The following GRM8 variants were observed in gnomAD, a reference collection of about 807,000 sequenced individuals.
GRM8 encodes glutamate metabotropic receptor 8.
In GRM8, 47 loss-of-function variants were observed where a neutral mutation model predicts 87.2. The observed-to-expected ratio is 0.54, with a 90% confidence interval of 0.43 to 0.69. The LOEUF is 0.69. GRM8 is among the 30% of genes least tolerant of loss of function. The pLI, the probability that GRM8 is intolerant of heterozygous loss-of-function variation, is 0.00. For synonymous variants in GRM8, 396 were observed against 404.5 expected, an observed-to-expected ratio of 0.98 and a Z score of 0.25; for missense variants, 1,019 against 1,139.2, an observed-to-expected ratio of 0.89 and a Z score of 1.52.
chr7:127,161,927 A>T (rs1358942563), intron 2 of GRM8, among the ~76,000 whole-genome samples: 1 of 152,144 alleles, frequency 6.6e-6, no homozygotes, highest in Admixed American at 6.6e-5. Context: ...AGAGAAAAAA[A>T]ATTATCAGGT....
intron 6 of GRM8, among the ~76,000 whole-genome samples, chr7:126,818,808 A>T (rs1794020160): frequency 1.3e-5 from 2 of 152,216 alleles, no homozygotes; most frequent in South Asian, 4.1e-4. Flanking sequence ...TGATAGTAGT[A>T]AGGTGAATGA....
At chr7:127,003,555 A>G (rs1043442823) in intron 3 of GRM8, among the ~76,000 whole-genome samples, 28 of 151,754 alleles carry the variant, frequency 1.8e-4, no homozygotes, top group African/African-American at 5.8e-4. Flanking sequence ...TTTGTGTACT[A>G]GAAGAGTACT....
intron 3 of GRM8, among the ~76,000 whole-genome samples, chr7:126,936,601 G>C (rs1806353832): frequency 1.3e-5 from 2 of 152,114 alleles, no homozygotes; most frequent in African/African-American, 4.8e-5. Context: ...TGGCCAATAA[G>C]GTATAACTAG....
intron 2 of GRM8, among the ~76,000 whole-genome samples, chr7:127,146,486 AG>A (rs1384712012): frequency 1.3e-5 from 2 of 152,056 alleles, no homozygotes; most frequent in Non-Finnish European, 2.9e-5. Context: ...ATAGAGGAAC[AG>A]GGAAACAAGG....
intron 6 of GRM8, among the ~76,000 whole-genome samples, chr7:126,771,442 G>A (rs778362614): frequency 1.2e-4 from 18 of 151,534 alleles, no homozygotes; most frequent in Non-Finnish European, 2.4e-4. Context: ...TAGGTTTTCC[G>A]ATTTTCTCAT....
intron 6 of GRM8, among the ~76,000 whole-genome samples, chr7:126,795,117 C>A (rs945943883): frequency 1.3e-5 from 2 of 152,064 alleles, no homozygotes; most frequent in Non-Finnish European, 2.9e-5. Flanking sequence ...CATTTGGCAG[C>A]CCAAGTTATA....
At chr7:126,825,249 G>A (rs1794653295) in intron 6 of GRM8, among the ~76,000 whole-genome samples, 1 of 152,030 alleles carries the variant, frequency 6.6e-6, no homozygotes, top group African/African-American at 2.4e-5. Context: ...TGTATTTTTA[G>A]TAGAGACAGG....
Position 126,533,059 on chromosome 7 carries a change from C to G in GRM8, c.2323G>C (p.Glu775Gln). ...ATAGGTTTGGCTTCATTGAAAGTCT[C>G]TGGGACACCTCTCGTTTTAATGGCA... ...VYAIKTRGVP[E>Q]TFNEAKPIGF... The change falls in exon 9 of 11, where the codon GAG (glutamate) becomes CAG (glutamine). Residue 775 changes from glutamate to glutamine, a missense_variant. Transcript: ENST00000339582. The G allele has an allele frequency of 6.2e-7, 1 of 1,613,546 alleles. No individual in the cohort carries two copies. The highest frequency in any genetic ancestry group is 2.2e-5 in the East Asian group (1 of 44,822).
intron 3 of GRM8, among the ~76,000 whole-genome samples, chr7:126,911,848 T>C (rs901110513): frequency 6.6e-6 from 1 of 152,198 alleles, no homozygotes; most frequent in African/African-American, 2.4e-5. Context: ...TGTATCAGTT[T>C]GACTGGGCCA....
intron 3 of GRM8, among the ~76,000 whole-genome samples, chr7:126,989,243 T>C (rs1269176919): frequency 6.6e-6 from 1 of 152,214 alleles, no homozygotes; most frequent in Admixed American, 6.5e-5. Flanking sequence ...TAACAGTTAT[T>C]ATTTTCCGTT....
At chr7:126,874,393 C>T (rs1799367940) in intron 6 of GRM8, among the ~76,000 whole-genome samples, 1 of 152,050 alleles carries the variant, frequency 6.6e-6, no homozygotes, top group African/African-American at 2.4e-5. Context: ...AACGAAGAGG[C>T]TCAGATCCTG....
intron 3 of GRM8, among the ~76,000 whole-genome samples, chr7:126,952,024 A>G (rs1808217982): frequency 6.6e-6 from 1 of 151,712 alleles, no homozygotes; most frequent in South Asian, 2.1e-4. Flanking sequence ...ATTTAAAAAA[A>G]AGAAAGAAAG....
rs188932196 is a variant in GRM8, at chr7:126,637,800, C to T, written c.1358-28302G>A. Among the ~76,000 whole-genome samples, 96 of 152,236 alleles carry T rather than the reference C, an allele frequency of 6.3e-4. 1 individual carries two copies. The Middle Eastern group carries it at 0.01, about 16-fold the overall frequency. On this transcript the variant is annotated intron_variant, in intron 7 of 10. Transcript: ENST00000339582. ...TCTGTGGCCTTTCGAGTAATCATTACCATCTGCCCCTAAGGTAGCTGCATT... is the reference window on the plus strand; with the variant it reads ...TCTGTGGCCTTTCGAGTAATCATTATCATCTGCCCCTAAGGTAGCTGCATT...
intron 7 of GRM8, among the ~76,000 whole-genome samples, chr7:126,688,006 TA>T (rs953788848): frequency 3.3e-5 from 5 of 152,084 alleles, no homozygotes; most frequent in South Asian, 2.1e-4. Flanking sequence ...GTAGGCTTTT[TA>T]AAAAAATAGC....
At chr7:126,507,518 C>G (rs942432241) in intron 9 of GRM8, among the ~76,000 whole-genome samples, 3 of 152,030 alleles carry the variant, frequency 2.0e-5, no homozygotes, top group Admixed American at 2.0e-4. Context: ...TAACTATGAC[C>G]TGTAATAAAT....
intron 8 of GRM8, among the ~76,000 whole-genome samples, chr7:126,560,718 G>C (rs1793605074): frequency 6.6e-6 from 1 of 152,130 alleles, no homozygotes; most frequent in Non-Finnish European, 1.5e-5. Context: ...TGAAGTACTA[G>C]CATTCCAATT....
chr7:127,078,870 G>C (rs1419213682), intron 3 of GRM8, among the ~76,000 whole-genome samples: 2 of 152,186 alleles, frequency 1.3e-5, no homozygotes, highest in Non-Finnish European at 2.9e-5. Flanking sequence ...ACTTCATTAA[G>C]TAATAGAATT....
chr7:127,227,812 T>G (rs1201757707), intron 2 of GRM8, among the ~76,000 whole-genome samples: 1 of 152,344 alleles, frequency 6.6e-6, no homozygotes, highest in South Asian at 2.1e-4. Context: ...CTGGAAGCCA[T>G]GTGATCATTC....
At chr7:127,070,096 A>G (rs1427314380) in intron 3 of GRM8, among the ~76,000 whole-genome samples, 1 of 152,200 alleles carries the variant, frequency 6.6e-6, no homozygotes, top group African/African-American at 2.4e-5. Context: ...TTTTAAATTT[A>G]CCTTAGCTTT....
Sources: allele counts gnomAD v4.1 joint callset (sites outside exome capture counted in the v4.1 genomes callset), GRCh38; gene constraint gnomAD v4.1.1; transcripts MANE v1.5; gene names NCBI Gene and HGNC (gene_info 2026-07-23, HGNC 2026-07-21).